Variants in ARCN1 observed in about 807,000 individuals in gnomAD.
The protein encoded by ARCN1 is coatomer subunit delta.
In ARCN1, 5 loss-of-function variants were observed where a neutral mutation model predicts 60.4. The observed-to-expected ratio is 0.08, with a 90% CI of 0.04 to 0.17. ARCN1 has a LOEUF of 0.17. Among genes scored for constraint, ARCN1 ranks in the 10% least tolerant of loss-of-function variants. ARCN1 has a pLI of 1.00. For missense variants in ARCN1, 464 were observed against 626.5 expected, an observed-to-expected ratio of 0.74 and a Z score of 2.77; for synonymous variants, 224 against 220.0, an observed-to-expected ratio of 1.02 and a Z score of -0.16.
rs1939072615 is a variant in ARCN1 at position 118,598,277 on chromosome 11, C to CA, written c.1446+367dup. Among the ~76,000 whole-genome samples the CA allele has an allele frequency of 2.6e-5, 4 of 151,684 alleles. No homozygotes were observed. In the South Asian group the frequency reaches 8.3e-4, roughly 32 times the overall value. The stretch of plus-strand genomic sequence containing the variant: ...CATGGTTTTTTTAAGGCCTTGCTGT[C>CA]ACTTGATTTATACCCAAAGAATGAA... On this transcript the variant is annotated intron_variant, in intron 9 of 9. Transcript: ENST00000264028.
chr11:118,579,611 C>G (rs1381044643), intron 1 of ARCN1, among the ~76,000 whole-genome samples: 2 of 151,238 alleles, frequency 1.3e-5, no homozygotes, highest in Admixed American at 1.3e-4. Flanking sequence ...TCACTTGAAC[C>G]TGGGAGGTGG....
At chr11:118,581,845 C>A (rs1031071766) in intron 2 of ARCN1, among the ~76,000 whole-genome samples, 7 of 152,108 alleles carry the variant, frequency 4.6e-5, no homozygotes, top group Non-Finnish European at 1.5e-5. Context: ...GACACACACA[C>A]ACACACCCCT....
intron 9 of ARCN1, 73 bp downstream of exon 9, chr11:118,597,984 A>G (rs1207869274): frequency 2.1e-6 from 3 of 1,463,144 alleles, no homozygotes; most frequent in Non-Finnish European, 1.9e-6. Context: ...GATGCCAGAC[A>G]GGTAGCATGG....
chr11:118,581,056 G>T (rs1938638215), intron 1 of ARCN1, among the ~76,000 whole-genome samples, 190 bp from the exon 2 acceptor site: 1 of 152,140 alleles, frequency 6.6e-6, no homozygotes. Flanking sequence ...GGAGTTTGAG[G>T]TTGTAGTGAG....
intron 9 of ARCN1, among the ~76,000 whole-genome samples, chr11:118,599,837 G>T (rs533285804): frequency 1.3e-5 from 2 of 151,976 alleles, no homozygotes; most frequent in African/African-American, 4.8e-5. Context: ...TTCCCATATG[G>T]TCTCCGTCTC....
chr11:118,574,404 C>T (rs577445942), intron 1 of ARCN1, among the ~76,000 whole-genome samples: 2 of 152,198 alleles, frequency 1.3e-5, no homozygotes, highest in East Asian at 3.9e-4. Flanking sequence ...TTTAGCTCAA[C>T]ATTTCATTAT....
intron 6 of ARCN1, among the ~76,000 whole-genome samples, chr11:118,591,809 G>A (rs1555076352): frequency 6.6e-6 from 1 of 150,598 alleles, no homozygotes; most frequent in Admixed American, 6.6e-5. Flanking sequence ...ACCTTGGCTC[G>A]CTGCAGCCTT....
intron 1 of ARCN1, chr11:118,573,768 C>T (rs1555072925): frequency 1.6e-6 from 1 of 635,138 alleles, no homozygotes; most frequent in Non-Finnish European, 2.9e-6. Context: ...CACTGAACAG[C>T]TTTTCTCAGC....
At position 118,590,479 on chromosome 11, in the gene ARCN1, T is replaced by C; in HGVS notation, c.957T>C (p.Asn319=). ...KYGRIRLHVE[N]EDKKGVQLQT... is the part of the protein sequence containing the mutation. The stretch of plus-strand genomic sequence containing the variant: ...GCCGAATTCGTCTTCATGTGGAAAA[T>C]GAAGATAAGAAAGGGGTGCAGCTAC... The change falls in exon 6 of 10, where the codon AAT becomes AAC. Residue 319 remains asparagine (N), a synonymous_variant. Transcript: ENST00000264028. The C allele has an allele frequency of 6.2e-7, 1 of 1,614,000 alleles. No homozygotes were observed. The highest frequency in any genetic ancestry group is 8.5e-7 in the Non-Finnish European group (1 of 1,179,986).
rs1472535165 is a variant in ARCN1, at chr11:118,597,849, C to T, written c.1384C>T (p.Pro462Ser). 6.2e-7 allele frequency: 1 copy of T among 1,614,024 alleles called. No homozygotes were observed. The highest frequency in any genetic ancestry group is 8.5e-7 in the Non-Finnish European group (1 of 1,180,044). The part of the protein sequence containing the change: ...GSLEFSIAGQ[P>S]NDFFPVQVSF... Reference sequence around the variant, plus strand: ...CCTGGAGTTTAGCATTGCTGGGCAGCCCAATGACTTCTTCCCTGTTCAAGT... The same window carrying T: ...CCTGGAGTTTAGCATTGCTGGGCAGTCCAATGACTTCTTCCCTGTTCAAGT... Residue 462 changes from proline to serine, a missense_variant, in exon 9 of 10, where the codon CCC (proline) becomes TCC (serine). This residue lies in a region of ARCN1 where 359 missense variants were observed against 440.2 expected (regional missense o/e 0.82). Coordinates refer to ENST00000264028, the MANE Select transcript of ARCN1 (RefSeq NM_001655.5).
intron 1 of ARCN1, among the ~76,000 whole-genome samples, chr11:118,573,147 C>T (rs1163736439): frequency 6.6e-6 from 1 of 152,218 alleles, no homozygotes; most frequent in African/African-American, 2.4e-5. Flanking sequence ...CCTTCCACTA[C>T]TTCCGCAGAA....
chr11:118,572,780 C>G, intron 1 of ARCN1: 1 of 481,080 alleles, frequency 2.1e-6, no homozygotes, highest in Admixed American at 3.7e-5. Flanking sequence ...CACCCCCCAA[C>G]CAGCTGGACT....
intron 5 of ARCN1, among the ~76,000 whole-genome samples, chr11:118,586,261 A>G (rs541634014): frequency 2.0e-5 from 3 of 151,962 alleles, no homozygotes; most frequent in East Asian, 3.9e-4. Context: ...ACACCCGGCT[A>G]ATTTTCTTAT....
chr11:118,577,782 ATAAT>A (rs1240994263), intron 1 of ARCN1, among the ~76,000 whole-genome samples: 12 of 152,230 alleles, frequency 7.9e-5, no homozygotes, highest in African/African-American at 1.7e-4. Context: ...TGTTCGATAA[ATAAT>A]TACTCAGTTA....
chr11:118,594,501 A>C (rs1555076822), intron 8 of ARCN1, among the ~76,000 whole-genome samples: 1 of 152,152 alleles, frequency 6.6e-6, no homozygotes, highest in East Asian at 1.9e-4. Context: ...TTTAAAACCA[A>C]ATTGAACAAG....
rs1939172225 is a variant in ARCN1, at chr11:118,602,620, G to T, written c.*1906G>T. ...CCTTTCCCCTAACTGCATCAGGGAA[G>T]AATTCTTATCTCTAGCTTGGTTTCC... On this transcript the variant is annotated 3_prime_UTR_variant, in exon 10 of 10. Transcript: ENST00000264028. 6.5e-6 allele frequency: 1 copy of T among 153,758 alleles called. No individual in the cohort carries two copies. Among genetic ancestry groups the T allele is most frequent in the Non-Finnish European group, 1.5e-5 (1 of 68,040 alleles). The allele number at this position is 153,758 out of a possible 1,614,324, so 9.5% of individuals were successfully genotyped here.
At chr11:118,578,492 A>G (rs986899716) in intron 1 of ARCN1, among the ~76,000 whole-genome samples, 7 of 152,294 alleles carry the variant, frequency 4.6e-5, no homozygotes, top group African/African-American at 1.7e-4. Flanking sequence ...AAAACCTCAT[A>G]AAATTCTAAC....
intron 5 of ARCN1, among the ~76,000 whole-genome samples, chr11:118,588,581 A>T (rs1938826421): frequency 6.6e-6 from 1 of 152,244 alleles, no homozygotes; most frequent in South Asian, 2.1e-4. Flanking sequence ...ATGATGGCAC[A>T]TGGCTGTAGT....
intron 1 of ARCN1, among the ~76,000 whole-genome samples, chr11:118,580,161 G>GA (rs1938619224): frequency 1.3e-5 from 2 of 152,012 alleles, no homozygotes; most frequent in Admixed American, 1.3e-4. Context: ...CACTTCTACC[G>GA]AAAATACAAA....
Sources: allele counts gnomAD v4.1 joint callset (sites outside exome capture counted in the v4.1 genomes callset), GRCh38; gene constraint gnomAD v4.1.1; regional missense constraint gnomAD v4.1.1; transcripts MANE v1.5; gene names NCBI Gene and HGNC (gene_info 2026-07-23, HGNC 2026-07-21).